SETX: variants seen among roughly 807,000 people sequenced by gnomAD.
SETX encodes the protein senataxin, also known as helicase senataxin.
SETX carries 90 observed loss-of-function variants against 227.2 expected under a neutral mutation model. The ratio of observed to expected loss-of-function variants is 0.40; its 90% confidence interval spans 0.33 to 0.47. The LOEUF (loss-of-function observed/expected upper bound fraction) is 0.47. SETX is among the 20% of genes least tolerant of loss of function. The pLI is 0.91. For synonymous variants in SETX, 1,210 were observed against 1,113.2 expected (o/e 1.09, Z -1.73); for missense variants, 3,052 against 3,181.5 (o/e 0.96, Z 0.98).
At chr9:132,351,093 T>C (rs1242539226) in intron 2 of SETX, among the ~76,000 whole-genome samples, 2 of 152,218 alleles carry the variant, frequency 1.3e-5, no homozygotes, top group African/African-American at 4.8e-5. Flanking sequence ...AAAAGAAGAA[T>C]TACTTATACC....
chr9:132,295,760 T>C lies in SETX; in HGVS notation c.6106+112A>G, dbSNP rs1168144008. ...GCTAAATGAACTCACAAGCCACAGA[T>C]TCAAGTAGAAGCTATTACCAGGACT... On this transcript the variant is annotated intron_variant, in intron 15 of 25. Coordinates refer to ENST00000224140, the MANE Select transcript of SETX (RefSeq NM_015046.7). The C allele has an allele frequency of 1.9e-5, 19 of 975,184 alleles. No homozygotes were observed. The East Asian group carries it at 4.4e-4, about 23-fold the overall frequency. The allele number at this position is 975,184 out of a possible 1,614,324, so 60.4% of individuals were successfully genotyped here.
intron 20 of SETX, among the ~76,000 whole-genome samples, chr9:132,279,874 A>C (rs1044709490): frequency 1.3e-5 from 2 of 152,216 alleles, no homozygotes; most frequent in South Asian, 2.1e-4. Flanking sequence ...TGAAAAAAAA[A>C]CCAATTCTGC....
chr9:132,283,163 A>C lies in SETX; in HGVS notation c.6546+101T>G. On this transcript the variant is annotated intron_variant, in intron 19 of 25. Coordinates refer to ENST00000224140, the MANE Select transcript of SETX (RefSeq NM_015046.7). ...AATAGCAAGTGAAAATCAGATGCAAAAAAAAAAAACACATTTCCTCAACAT... is the reference window on the plus strand; with the variant it reads ...AATAGCAAGTGAAAATCAGATGCAACAAAAAAAAACACATTTCCTCAACAT... 4 of 1,492,432 alleles carry C rather than the reference A, an allele frequency of 2.7e-6. No homozygotes were observed. In the Admixed American group the frequency reaches 7.2e-5, roughly 27 times the overall value. 92.4% of individuals were successfully genotyped at this position (1,492,432 alleles called of 1,614,324 possible).
At chr9:132,275,552 T>TA (rs1456890216) in intron 22 of SETX, 132 bp from the exon 23 acceptor site, 1 of 715,432 alleles carries the variant, frequency 1.4e-6, no homozygotes, top group African/African-American at 1.8e-5. Flanking sequence ...TTTATTCAGC[T>TA]AGCAGTGACT....
rs771998637 is a variant in SETX at position 132,264,995 on chromosome 9, A to G, written c.7288-10T>C. ...TCCAATGCTGGTTTTCCTTGAAACA[A>G]TGAGAAGGGAGAAATAATTACACCC... On this transcript the variant is annotated splice_polypyrimidine_tract_variant and intron_variant, in intron 25 of 25. Coordinates refer to ENST00000224140, the MANE Select transcript of SETX (RefSeq NM_015046.7). 3.1e-6 allele frequency: 5 copies of G among 1,612,208 alleles called. No homozygotes were observed. In the African/African-American group the frequency reaches 6.7e-5, roughly 22 times the overall value.
intron 20 of SETX, among the ~76,000 whole-genome samples, chr9:132,280,038 T>C (rs921236890): frequency 1.3e-5 from 2 of 152,220 alleles, no homozygotes; most frequent in African/African-American, 4.8e-5. Context: ...TTTTGTCTGT[T>C]TTCTTCACTG....
chr9:132,322,746 CAGAA>C (rs1483103591), intron 10 of SETX, among the ~76,000 whole-genome samples: 1 of 151,986 alleles, frequency 6.6e-6, no homozygotes, highest in African/African-American at 2.4e-5. Context: ...AAGGAATTAA[CAGAA>C]AGGACTATAA....
At position 132,335,674 on chromosome 9, in the gene SETX, G is replaced by A. The variant is rs144053737; in HGVS notation, c.718+622C>T. Among the ~76,000 whole-genome samples, 26 of 152,060 alleles carry A rather than the reference G, an allele frequency of 1.7e-4. No homozygotes were observed. The East Asian group carries it at 3.7e-3, about 22-fold the overall frequency. ...GGAAATATTTTACACACTGAAAAAG[G>A]AGTATTAACAATCAAATCCTATTTA... is the stretch of plus-strand genomic sequence containing the variant. On this transcript the variant is annotated intron_variant, in intron 6 of 25. Transcript: ENST00000224140.
At chr9:132,332,454 G>T (rs1212504589) in intron 7 of SETX, among the ~76,000 whole-genome samples, 1 of 152,176 alleles carries the variant, frequency 6.6e-6, no homozygotes, top group Non-Finnish European at 1.5e-5. Context: ...CCTAGAACTT[G>T]TGACTTTACT....
At position 132,288,294 on chromosome 9, in the gene SETX, T is replaced by C. The variant is rs751154621; in HGVS notation, c.6266A>G (p.Tyr2089Cys). Residue 2089 changes from tyrosine to cysteine, a missense_variant, in exon 17 of 26, where the codon TAT becomes TGT. Tyr to Cys is a radical substitution (Grantham distance 194). Coordinates refer to ENST00000224140, the MANE Select transcript of SETX (RefSeq NM_015046.7). ...AMHKRKEFLDYQLDELSRQRA... is the reference protein window; with the variant it reads ...AMHKRKEFLDCQLDELSRQRA... ...CTGCCGGGAAAGCTCATCCAGCTGA[T>C]AATCTAGAAATTCCTTTCTTTTATG... 3.1e-6 allele frequency: 5 copies of C among 1,614,246 alleles called. No individual in the cohort carries two copies. Among genetic ancestry groups the C allele is most frequent in the Non-Finnish European group, 4.2e-6 (5 of 1,180,046 alleles).
Position 132,264,113 on chromosome 9 carries a change from A to T in SETX, c.*126T>A. On this transcript the variant is annotated 3_prime_UTR_variant, in exon 26 of 26. Coordinates refer to ENST00000224140, the MANE Select transcript of SETX (RefSeq NM_015046.7). The stretch of plus-strand genomic sequence containing the variant: ...CCAGAGGCTCAGGTGTTAAGGATGC[A>T]TTTTCCATGTTTTCCAACAGCACAC... 1 of 1,385,120 alleles carries T rather than the reference A, an allele frequency of 7.2e-7. No individual in the cohort carries two copies. Among genetic ancestry groups the T allele is most frequent in the South Asian group, 1.2e-5 (1 of 85,116 alleles). 85.8% of individuals were successfully genotyped at this position (1,385,120 alleles called of 1,614,324 possible). A position where few individuals can be genotyped will look rare whatever the true frequency, so the allele number is the denominator to read the frequency against.
chr9:132,326,374 C>T lies in SETX; in HGVS notation c.5224G>A (p.Asp1742Asn), dbSNP rs1180515012. The change falls in exon 10 of 26, where the codon GAT (aspartate) becomes AAT (asparagine). Residue 1742 changes from aspartate (D) to asparagine (N), a missense_variant. Transcript: ENST00000224140. ...PVPVRFHNYG[D>N]YFNVFFPLMV... ...AAAGGGAAAAAAACATTAAAATAAT[C>T]TCCATAATTGTGAAATCTGACAGGC... is the stretch of plus-strand genomic sequence containing the variant. 5 of 1,613,784 alleles carry T rather than the reference C, an allele frequency of 3.1e-6. No individual in the cohort carries two copies. In the African/African-American group the frequency reaches 5.3e-5, roughly 17 times the overall value.
chr9:132,306,978 G>A, intron 11 of SETX, among the ~76,000 whole-genome samples: 1 of 152,212 alleles, frequency 6.6e-6, no homozygotes, highest in East Asian at 1.9e-4. Context: ...TTCTGAGCTG[G>A]GCATGGTGGC....
intron 15 of SETX, among the ~76,000 whole-genome samples, chr9:132,292,796 C>A (rs1193549889): frequency 6.6e-6 from 1 of 152,084 alleles, no homozygotes; most frequent in Non-Finnish European, 1.5e-5. Context: ...CGCCACCACA[C>A]CTGGCTAATT....
chr9:132,312,657 G>T (rs79071892), intron 10 of SETX, among the ~76,000 whole-genome samples: 45 of 152,244 alleles, frequency 3.0e-4, no homozygotes, highest in African/African-American at 8.4e-4. Context: ...ATGGACAGGG[G>T]AACAAAACAA....
chr9:132,300,130 C>CAAAAA (rs72582907), intron 12 of SETX, among the ~76,000 whole-genome samples: 2 of 47,206 alleles, frequency 4.2e-5, no homozygotes, highest in Non-Finnish European at 8.9e-5. Flanking sequence ...AACTCCGTCT[C>CAAAAA]AAAAAAAAAA....
intron 6 of SETX, among the ~76,000 whole-genome samples, chr9:132,335,948 T>C (rs947445863): frequency 1.3e-5 from 2 of 152,174 alleles, no homozygotes; most frequent in African/African-American, 4.8e-5. Flanking sequence ...AGGACCCTCA[T>C]AGGAACTACA....
Position 132,265,130 on chromosome 9 carries a change from T to C in SETX, c.7288-145A>G. 3.0e-6 allele frequency: 3 copies of C among 1,011,192 alleles called. 1 individual carries two copies. The South Asian group carries it at 4.7e-5, about 16-fold the overall frequency. The allele number at this position is 1,011,192 out of a possible 1,614,324, so 62.6% of individuals were successfully genotyped here. On this transcript the variant is annotated intron_variant, in intron 25 of 25. Transcript: ENST00000224140. ...AGATTCATTACTCGTCAGACAAGGA[T>C]GAAAGGAAAAAATAAATTCAAATAA...
intron 12 of SETX, 141 bp from the exon 13 acceptor site, chr9:132,298,453 G>T: frequency 1.3e-6 from 1 of 768,624 alleles, no homozygotes; most frequent in Non-Finnish European, 2.2e-6. Context: ...TTTATGGACT[G>T]CTTCCTGAAC....
Sources: gnomAD v4.1 joint callset for allele counts (sites outside exome capture counted in the v4.1 genomes callset) on GRCh38, gnomAD v4.1.1 for gene constraint, MANE v1.5 for transcripts, NCBI Gene and HGNC (gene_info 2026-07-23, HGNC 2026-07-21) for gene names.